The following MAML3 variants were observed in gnomAD, a reference collection of about 807,000 sequenced individuals.
The protein encoded by MAML3 is mastermind-like protein 3.
Under a neutral mutation model 101.9 loss-of-function variants are expected in MAML3, and 27 were observed. The observed-to-expected ratio is 0.27, with a 90% confidence interval of 0.20 to 0.37. The LOEUF (loss-of-function observed/expected upper bound fraction) is 0.37. MAML3 is among the 10% of genes least tolerant of loss of function. The pLI is 1.00. For synonymous variants in MAML3, 501 were observed against 555.9 expected (o/e 0.90, Z 1.39); for missense variants, 1,316 against 1,444.9 (o/e 0.91, Z 1.45).
At position 139,862,858 on chromosome 4, in the gene MAML3, T is replaced by C. The variant is rs907239765; in HGVS notation, c.2079+26499A>G. On this transcript the variant is annotated intron_variant, in intron 2 of 4. Transcript: ENST00000509479. ...AGCAGTACAGGCTGGATTTGAACCTTGGCTCCAGTTATTAGCTATGGGACC... is the reference window on the plus strand; with the variant it reads ...AGCAGTACAGGCTGGATTTGAACCTCGGCTCCAGTTATTAGCTATGGGACC... 3.3e-5 allele frequency among the ~76,000 whole-genome samples: 5 copies of C among 152,204 alleles called. 1 individual carries two copies. The East Asian group carries it at 9.6e-4, about 29-fold the overall frequency.
rs554154653 is a variant in MAML3 at position 140,151,696 on chromosome 4, G to A, written c.468+1164C>T. 2.5e-3 allele frequency among the ~76,000 whole-genome samples: 370 copies of A among 150,410 alleles called. 2 individuals carry two copies. The highest frequency in any genetic ancestry group is 7.8e-3 in the African/African-American group (323 of 41,340). The stretch of plus-strand genomic sequence containing the variant: ...GCACCCGGGCGGCGCGGTGCGGGGG[G>A]GGGGGGCACACACCTTTCCCAAGCT... On this transcript the variant is annotated intron_variant, in intron 1 of 4. Transcript: ENST00000509479.
chr4:139,741,866 A>C (rs1729176608), intron 2 of MAML3, among the ~76,000 whole-genome samples: 1 of 152,228 alleles, frequency 6.6e-6, no homozygotes, highest in Non-Finnish European at 1.5e-5. Context: ...GTATTTTTTA[A>C]AATAAAAACA....
intron 1 of MAML3, among the ~76,000 whole-genome samples, chr4:140,082,342 A>C (rs1293780543): frequency 1.3e-5 from 2 of 152,128 alleles, no homozygotes; most frequent in Non-Finnish European, 2.9e-5. Context: ...TTCATTTTTC[A>C]GGCCTCGTCT....
chr4:140,095,722 CT>C (rs922138394), intron 1 of MAML3, among the ~76,000 whole-genome samples: 30 of 152,120 alleles, frequency 2.0e-4, no homozygotes, highest in Non-Finnish European at 8.8e-5. Flanking sequence ...TTCCTCTCCA[CT>C]GTCACCCACT....
chr4:139,720,745 A>C (rs1272129267), intron 4 of MAML3, among the ~76,000 whole-genome samples: 1 of 152,224 alleles, frequency 6.6e-6, no homozygotes, highest in African/African-American at 2.4e-5. Flanking sequence ...TCCTCAACCA[A>C]TAAGATACTA....
chr4:139,810,378 C>G (rs1232492671), intron 2 of MAML3, among the ~76,000 whole-genome samples: 1 of 151,812 alleles, frequency 6.6e-6, no homozygotes, highest in Non-Finnish European at 1.5e-5. Context: ...TTTTTAGAGT[C>G]AGGGTCTAGC....
At chr4:139,962,045 C>A (rs1177653755) in intron 1 of MAML3, among the ~76,000 whole-genome samples, 2 of 151,898 alleles carry the variant, frequency 1.3e-5, no homozygotes, top group Non-Finnish European at 2.9e-5. Context: ...ATTGCTTGAG[C>A]CCAGGAGGTC....
At position 139,725,781 on chromosome 4, in the gene MAML3, A is replaced by G; in HGVS notation, c.2386T>C (p.Tyr796His). ...RQHLQPQRNPYPVQQVNQFQG... is the reference protein window; with the variant it reads ...RQHLQPQRNPHPVQQVNQFQG... The stretch of plus-strand genomic sequence containing the variant: ...AACTGATTGACCTGCTGCACTGGGT[A>G]TGGATTCCGCTGTGGCTGGAGGTGC... Residue 796 changes from tyrosine to histidine, a missense_variant, in exon 4 of 5, where the codon TAC becomes CAC. Physicochemically the swap from Tyr to His is moderately conservative, Grantham distance 83 (BLOSUM62 2). Coordinates refer to ENST00000509479, the MANE Select transcript of MAML3 (RefSeq NM_018717.5). 6.2e-7 allele frequency: 1 copy of G among 1,613,944 alleles called. No individual in the cohort carries two copies. The highest frequency in any genetic ancestry group is 1.1e-5 in the South Asian group (1 of 91,082).
chr4:139,943,286 T>C (rs998835215), intron 1 of MAML3, among the ~76,000 whole-genome samples: 1 of 152,098 alleles, frequency 6.6e-6, no homozygotes, highest in Non-Finnish European at 1.5e-5. Flanking sequence ...ACAGCCACGA[T>C]TGACAGGAAA....
At chr4:140,074,369 A>AATATG (rs1381541468) in intron 1 of MAML3, among the ~76,000 whole-genome samples, 1 of 152,100 alleles carries the variant, frequency 6.6e-6, no homozygotes, top group Non-Finnish European at 1.5e-5. Flanking sequence ...GAAAACATAT[A>AATATG]AGGCAGAATC....
intron 1 of MAML3, among the ~76,000 whole-genome samples, chr4:140,151,255 G>A (rs1578711821): frequency 6.6e-6 from 1 of 152,036 alleles, no homozygotes; most frequent in Non-Finnish European, 1.5e-5. Context: ...GGTGCTGCCG[G>A]CGGGACTGGG....
intron 2 of MAML3, among the ~76,000 whole-genome samples, chr4:139,874,363 G>A (rs896546205): frequency 6.6e-6 from 1 of 152,024 alleles, no homozygotes; most frequent in Non-Finnish European, 1.5e-5. Context: ...AATTATGCAG[G>A]AGGAACAATC....
chr4:139,803,073 A>G lies in MAML3; in HGVS notation c.2080-72406T>C, dbSNP rs74615830. ...TGGCTCTTCCAACATGCTTAATAAC[A>G]GGAAGTGGTGAACCCTCCATGAGGT... On this transcript the variant is annotated intron_variant, in intron 2 of 4. Coordinates refer to ENST00000509479, the MANE Select transcript of MAML3 (RefSeq NM_018717.5). Among the ~76,000 whole-genome samples the G allele has an allele frequency of 5.2e-3, 790 of 152,272 alleles. 8 individuals carry two copies. The highest frequency in any genetic ancestry group is 0.018 in the African/African-American group (744 of 41,534).
chr4:140,136,529 T>C (rs1447792373), intron 1 of MAML3, among the ~76,000 whole-genome samples: 1 of 152,204 alleles, frequency 6.6e-6, no homozygotes, highest in African/African-American at 2.4e-5. Context: ...ATCAACCGCT[T>C]ATACTTTGTC....
intron 2 of MAML3, among the ~76,000 whole-genome samples, chr4:139,741,328 AC>A (rs1729159163): frequency 6.6e-6 from 1 of 152,090 alleles, no homozygotes; most frequent in African/African-American, 2.4e-5. Flanking sequence ...AGACCACCTG[AC>A]CCTGGGCCTT....
intron 1 of MAML3, among the ~76,000 whole-genome samples, chr4:139,998,378 G>T (rs1159199983): frequency 1.3e-5 from 2 of 151,958 alleles, no homozygotes; most frequent in African/African-American, 2.4e-5. Flanking sequence ...TTCTTATTAA[G>T]ATTCTCTATT....
intron 1 of MAML3, among the ~76,000 whole-genome samples, chr4:139,906,141 G>A (rs1287850822): frequency 1.3e-5 from 2 of 152,000 alleles, no homozygotes; most frequent in African/African-American, 2.4e-5. Flanking sequence ...GATGGGGGGC[G>A]GGTCTCACTA....
chr4:139,775,975 A>G (rs1233195355), intron 2 of MAML3, among the ~76,000 whole-genome samples: 1 of 152,236 alleles, frequency 6.6e-6, no homozygotes, highest in African/African-American at 2.4e-5. Flanking sequence ...CCAAATAATA[A>G]TAAGATAAGC....
chr4:139,939,459 T>G (rs148172836), intron 1 of MAML3, among the ~76,000 whole-genome samples: 1 of 152,228 alleles, frequency 6.6e-6, no homozygotes, highest in East Asian at 1.9e-4. Context: ...CTGATCTCAG[T>G]GTCTAGAATG....
Sources: gnomAD v4.1 joint callset for allele counts (sites outside exome capture counted in the v4.1 genomes callset) on GRCh38, gnomAD v4.1.1 for gene constraint, MANE v1.5 for transcripts, NCBI Gene and HGNC (gene_info 2026-07-23, HGNC 2026-07-21) for gene names.